Variants in CMIP observed in about 807,000 individuals in gnomAD.
The protein encoded by CMIP is C-Maf-inducing protein.
Under a neutral mutation model 97.3 loss-of-function variants are expected in CMIP, and 13 were observed. The observed-to-expected ratio is 0.13, with a 90% CI of 0.09 to 0.21. The LOEUF (loss-of-function observed/expected upper bound fraction) is 0.21. Among genes scored for constraint, CMIP ranks in the 10% least tolerant of loss-of-function variants. CMIP has a pLI of 1.00. For missense variants in CMIP, 847 were observed against 1,024.9 expected, an observed-to-expected ratio of 0.83 and a Z score of 2.37; for synonymous variants, 538 against 436.3, an observed-to-expected ratio of 1.23 and a Z score of -2.91.
At position 81,682,618 on chromosome 16, in the gene CMIP, A is replaced by G. The variant is rs140645646; in HGVS notation, c.1388+3990A>G. ...GTGGAATTGAAGGGTCTTAAAGAGG[A>G]CGTTGCCAGGCGGGGCTCAGGAAGG... On this transcript the variant is annotated intron_variant, in intron 10 of 20. Transcript: ENST00000537098. 7.1e-3 allele frequency among the ~76,000 whole-genome samples: 1,080 copies of G among 151,688 alleles called. 5 individuals carry two copies. The highest frequency in any genetic ancestry group is 0.014 in the Middle Eastern group (4 of 286).
intron 1 of CMIP, among the ~76,000 whole-genome samples, chr16:81,569,435 C>G (rs1231948444): frequency 6.6e-6 from 1 of 152,196 alleles, no homozygotes; most frequent in Non-Finnish European, 1.5e-5. Flanking sequence ...ACTGTTTGGT[C>G]CCTGGCTCTC....
intron 3 of CMIP, chr16:81,631,964 A>G (rs1466728426): frequency 6.6e-6 from 1 of 152,244 alleles, no homozygotes; most frequent in African/African-American, 2.4e-5. Context: ...AAGCTTTTTA[A>G]AATACCGAAA....
chr16:81,540,169 G>A (rs1204846223), intron 1 of CMIP, among the ~76,000 whole-genome samples: 2 of 152,216 alleles, frequency 1.3e-5, no homozygotes, highest in East Asian at 1.9e-4. Flanking sequence ...GAAAGTACTT[G>A]CTCACCAGGG....
At chr16:81,641,098 AGATTCCCAG>A (rs2092301570) in intron 3 of CMIP, among the ~76,000 whole-genome samples, 1 of 152,134 alleles carries the variant, frequency 6.6e-6, no homozygotes. Context: ...TGCTTAATGC[AGATTCCCAG>A]GCCTCGCCCA....
chr16:81,549,770 G>T (rs1312086504), intron 1 of CMIP, among the ~76,000 whole-genome samples: 1 of 152,250 alleles, frequency 6.6e-6, no homozygotes, highest in Admixed American at 6.5e-5. Flanking sequence ...AGGGCACAGG[G>T]TGCTGGCTGG....
intron 2 of CMIP, among the ~76,000 whole-genome samples, chr16:81,609,749 G>C (rs888115225): frequency 2.6e-5 from 4 of 152,196 alleles, no homozygotes; most frequent in African/African-American, 4.8e-5. Context: ...CCCGGGCAGA[G>C]GGGATGTGTG....
intron 7 of CMIP, among the ~76,000 whole-genome samples, chr16:81,669,772 C>A (rs886427492): frequency 6.6e-6 from 1 of 151,654 alleles, no homozygotes; most frequent in Admixed American, 6.6e-5. Context: ...ACACCCACCT[C>A]TCACACACCT....
intron 2 of CMIP, among the ~76,000 whole-genome samples, chr16:81,608,980 G>C (rs1325242692): frequency 6.6e-6 from 1 of 152,160 alleles, no homozygotes; most frequent in Non-Finnish European, 1.5e-5. Context: ...GAGTCACCCA[G>C]TCTGGGCTCC....
intron 1 of CMIP, among the ~76,000 whole-genome samples, chr16:81,451,670 G>A (rs922703747): frequency 3.3e-5 from 5 of 152,188 alleles, no homozygotes; most frequent in African/African-American, 9.7e-5. Flanking sequence ...CCCCCTCAGA[G>A]GGTCTGGCCA....
At chr16:81,547,798 G>C (rs2150849922) in intron 1 of CMIP, among the ~76,000 whole-genome samples, 1 of 152,302 alleles carries the variant, frequency 6.6e-6, no homozygotes, top group African/African-American at 2.4e-5. Flanking sequence ...CAGTGAGGGG[G>C]AATTTGGCAG....
At chr16:81,521,629 A>AAAAG (rs2090030086) in intron 1 of CMIP, among the ~76,000 whole-genome samples, 1 of 152,294 alleles carries the variant, frequency 6.6e-6, no homozygotes, top group African/African-American at 2.4e-5. Context: ...AGCTTCTTCA[A>AAAAG]AAAGCCCCTC....
chr16:81,458,937 C>CCAT (rs753646867), intron 1 of CMIP, among the ~76,000 whole-genome samples: 3 of 137,166 alleles, frequency 2.2e-5, no homozygotes, highest in South Asian at 2.7e-4. Context: ...ATGTTTGCTA[C>CCAT]CATCATCATC....
chr16:81,645,223 A>T, intron 3 of CMIP: 1 of 422,474 alleles, frequency 2.4e-6, no homozygotes, highest in Non-Finnish European at 3.8e-6. Context: ...CACTGGAAAA[A>T]GTTTTCAAAG....
chr16:81,696,749 T>G, intron 14 of CMIP, 82 bp downstream of exon 14: 1 of 1,317,644 alleles, frequency 7.6e-7, no homozygotes, highest in Non-Finnish European at 1.0e-6. Flanking sequence ...CCGTCCCCCA[T>G]CCCCTGGGGC....
chr16:81,512,535 T>G (rs992827939), intron 1 of CMIP, among the ~76,000 whole-genome samples: 4 of 152,208 alleles, frequency 2.6e-5, no homozygotes, highest in African/African-American at 9.6e-5. Context: ...ACATGGTTGT[T>G]GCAATGTTTA....
chr16:81,640,770 G>GTGTGTCTCTC (rs376370488), intron 3 of CMIP, among the ~76,000 whole-genome samples: 22 of 135,720 alleles, frequency 1.6e-4, no homozygotes, highest in African/African-American at 6.1e-4. Flanking sequence ...GTGTGTGTGT[G>GTGTGTCTCTC]TCTCTCTCTC....
chr16:81,534,593 C>G (rs756699392), intron 1 of CMIP, among the ~76,000 whole-genome samples: 1 of 151,612 alleles, frequency 6.6e-6, no homozygotes, highest in African/African-American at 2.4e-5. Context: ...TTAGTGTCTT[C>G]GTGGCTTAGA....
intron 1 of CMIP, among the ~76,000 whole-genome samples, chr16:81,489,196 G>A (rs959335519): frequency 1.3e-5 from 2 of 152,156 alleles, no homozygotes; most frequent in Admixed American, 6.5e-5. Flanking sequence ...GGAGGGGTAC[G>A]ATGTGCCCAT....
At chr16:81,675,923 A>C (rs973976774) in intron 9 of CMIP, among the ~76,000 whole-genome samples, 3 of 152,166 alleles carry the variant, frequency 2.0e-5, no homozygotes, top group African/African-American at 7.2e-5. Flanking sequence ...GCTGGGGATC[A>C]CTCTGTAAGT....
Sources: gnomAD v4.1 joint callset for allele counts (sites outside exome capture counted in the v4.1 genomes callset) on GRCh38, gnomAD v4.1.1 for gene constraint, MANE v1.5 for transcripts, NCBI Gene and HGNC (gene_info 2026-07-23, HGNC 2026-07-21) for gene names.